The following OR6B3 variants were observed in gnomAD, a reference collection of about 807,000 sequenced individuals.
The protein encoded by OR6B3 is olfactory receptor 6B3.
For missense variants in OR6B3, 315 were observed against 427.4 expected (o/e 0.74, Z 2.32); for synonymous variants, 148 against 187.8 (o/e 0.79, Z 1.73).
At chr2:240,046,727 T>A (rs764712233) in intron 1 of OR6B3, among the ~76,000 whole-genome samples, 1 of 152,014 alleles carries the variant, frequency 6.6e-6, no homozygotes, top group Non-Finnish European at 1.5e-5. Flanking sequence ...GAGATTGCAA[T>A]GCAATCCCAG....
chr2:240,051,241 A>G (rs1295685543), upstream of OR6B3, among the ~76,000 whole-genome samples: 1 of 152,164 alleles, frequency 6.6e-6, no homozygotes, highest in African/African-American at 2.4e-5. Flanking sequence ...CAAGCACCTA[A>G]TATGTGTTTT....
upstream of OR6B3, among the ~76,000 whole-genome samples, chr2:240,050,660 G>A (rs950265993): frequency 1.3e-5 from 2 of 151,266 alleles, no homozygotes; most frequent in African/African-American, 2.4e-5. Context: ...GTTGCAGTGG[G>A]CGGAGATGGC....
upstream of OR6B3, among the ~76,000 whole-genome samples, chr2:240,051,100 T>C (rs1222928618): frequency 6.6e-6 from 1 of 152,130 alleles, no homozygotes; most frequent in African/African-American, 2.4e-5. Context: ...TGAAGTAGGC[T>C]TAGAGTTGAG....
chr2:240,047,444 G>A (rs964462814), upstream of OR6B3, among the ~76,000 whole-genome samples: 13 of 152,162 alleles, frequency 8.5e-5, no homozygotes, highest in African/African-American at 2.7e-4. Flanking sequence ...AGCACTGATC[G>A]TATGCCTCCG....
At chr2:240,046,020 G>A (rs757902043) in exon 2 of OR6B3, 2 of 1,613,572 alleles carry the variant, frequency 1.2e-6, no homozygotes, top group South Asian at 2.2e-5. Context: ...TGGGGCCGTG[G>A]GGAAGCCCAC....
upstream of OR6B3, among the ~76,000 whole-genome samples, chr2:240,047,902 C>T (rs1265566708): frequency 1.3e-5 from 2 of 152,006 alleles, no homozygotes; most frequent in Non-Finnish European, 2.9e-5. Flanking sequence ...TCAGAAACGA[C>T]AGAATAATAT....
downstream of OR6B3, among the ~76,000 whole-genome samples, chr2:240,044,728 C>T (rs1559433491): frequency 6.6e-6 from 1 of 152,214 alleles, no homozygotes; most frequent in Non-Finnish European, 1.5e-5. Flanking sequence ...TTCCCAGACA[C>T]ATTTTGCTTC....
chr2:240,051,551 T>C (rs952319368), upstream of OR6B3, among the ~76,000 whole-genome samples: 1 of 152,202 alleles, frequency 6.6e-6, no homozygotes, highest in African/African-American at 2.4e-5. Context: ...TTTTACAAAA[T>C]AGCAAATTCC....
rs762699826 is a variant in OR6B3 at position 240,045,230 on chromosome 2, G to A, written c.843C>T (p.Ile281=). 14 of 1,614,212 alleles carry A rather than the reference G, an allele frequency of 8.7e-6. 1 individual carries two copies. Among genetic ancestry groups the A allele is most frequent in the South Asian group, 5.5e-5 (5 of 91,076 alleles). The change falls in exon 2 of 2, where the codon ATC becomes ATT. Residue 281 remains isoleucine (I), a synonymous_variant. Coordinates refer to ENST00000641019, the Ensembl canonical transcript of OR6B3. ...ATATCAAGGGGTTCAAGATGGGGGTGATAACTGTGTACAAAACAGAGATGA... is the reference window on the plus strand; with the variant it reads ...ATATCAAGGGGTTCAAGATGGGGGTAATAACTGTGTACAAAACAGAGATGA...
At chr2:240,046,851 A>G (rs948892669) in intron 1 of OR6B3, 101 bp downstream of exon 2, 1 of 152,240 alleles carries the variant, frequency 6.6e-6, no homozygotes, top group African/African-American at 2.4e-5. Context: ...TATATAAAAC[A>G]CATCCATTAA....
upstream of OR6B3, among the ~76,000 whole-genome samples, chr2:240,051,674 C>A (rs1407729156): frequency 6.6e-6 from 1 of 152,236 alleles, no homozygotes; most frequent in Non-Finnish European, 1.5e-5. Context: ...TAGGACCCAG[C>A]AGCACTTTAA....
At chr2:240,052,613 A>G in the OR6B3 span, among the ~76,000 whole-genome samples, 1 of 152,130 alleles carries the variant, frequency 6.6e-6, no homozygotes, top group African/African-American at 2.4e-5. The surrounding 1 kb of genome is among the most constrained non-coding windows in gnomAD (Gnocchi z 4.5). Context: ...TGTTCTTCAT[A>G]TGTTACATCA....
At chr2:240,045,366 C>G (rs775083920) in exon 2 of OR6B3, 5 of 1,614,186 alleles carry the variant, frequency 3.1e-6, no homozygotes, top group Admixed American at 3.3e-5. Context: ...GAAGAAGGCT[C>G]TCCAGCAGCC....
exon 2 of OR6B3, chr2:240,045,470 A>G (rs376292839): frequency 2.4e-4 from 393 of 1,613,946 alleles, no homozygotes; most frequent in East Asian, 1.3e-3. Context: ...TGAAGGCCAG[A>G]ATGAAATCCA....
At chr2:240,046,269 C>G (rs1698188045) in intron 1 of OR6B3, among the ~76,000 whole-genome samples, 172 bp from the exon 3 acceptor site, 1 of 152,124 alleles carries the variant, frequency 6.6e-6, no homozygotes, top group South Asian at 2.1e-4. Context: ...AAGCACTAAC[C>G]TCTGATGATA....
upstream of OR6B3, among the ~76,000 whole-genome samples, chr2:240,051,003 C>T (rs1025509848): frequency 3.9e-5 from 6 of 152,112 alleles, no homozygotes; most frequent in Non-Finnish European, 5.9e-5. Flanking sequence ...ACAGATAACA[C>T]ATTTCCCTAA....
chr2:240,050,740 A>AAAAAAAAAAAAAAAAAAAAAAAAAAAAGG (rs1559438078), upstream of OR6B3, among the ~76,000 whole-genome samples: 1 of 12,608 alleles, frequency 7.9e-5, no homozygotes, highest in African/African-American at 1.1e-3. Flanking sequence ...AAAAAAAAGG[A>AAAAAAAAAAAAAAAAAAAAAAAAAAAAGG]AAAAAAAAAA....
At chr2:240,045,564 C>A (rs750628432) in exon 2 of OR6B3, 2 of 1,560,214 alleles carry the variant, frequency 1.3e-6, no homozygotes, top group East Asian at 4.5e-5. Flanking sequence ...GACGTTGGAG[C>A]CACAGAACGT....
the OR6B3 span, among the ~76,000 whole-genome samples, chr2:240,052,432 C>T: frequency 4.0e-5 from 6 of 151,624 alleles, no homozygotes; most frequent in African/African-American, 1.5e-4. The surrounding 1 kb of genome is among the most constrained non-coding windows in gnomAD (Gnocchi z 4.5). Context: ...AAAATAAATA[C>T]TAAAGATAAC....
Sources: allele counts gnomAD v4.1 joint callset (sites outside exome capture counted in the v4.1 genomes callset), GRCh38; gene constraint gnomAD v4.1.1; non-coding constraint Gnocchi (gnomAD v3.1); transcripts MANE v1.5; gene names NCBI Gene and HGNC (gene_info 2026-07-23, HGNC 2026-07-21).